The following PSAT1 variants were observed in gnomAD, a reference collection of about 807,000 sequenced individuals.
PSAT1 encodes the protein phosphoserine aminotransferase 1, also known as phosphoserine aminotransferase.
In PSAT1, 41 loss-of-function variants were observed where a neutral mutation model predicts 40.3. That is an observed-to-expected ratio of 1.02 (90% confidence interval 0.79 to 1.32). The LOEUF (loss-of-function observed/expected upper bound fraction) is 1.32. PSAT1 is among the 40% of genes most tolerant of loss of function. The pLI, the probability that PSAT1 is intolerant of heterozygous loss-of-function variation, is 0.00. For missense variants in PSAT1, 406 were observed against 455.8 expected (o/e 0.89, Z 0.99); for synonymous variants, 147 against 170.5 (o/e 0.86, Z 1.07).
chr9:78,309,337 A>G (rs1230416797), intron 6 of PSAT1, among the ~76,000 whole-genome samples: 1 of 152,172 alleles, frequency 6.6e-6, no homozygotes, highest in South Asian at 2.1e-4. Context: ...CTGACAGAAC[A>G]TACTGGCTTA....
intron 1 of PSAT1, among the ~76,000 whole-genome samples, chr9:78,299,275 G>A (rs1191308007): frequency 6.8e-6 from 1 of 147,524 alleles, no homozygotes; most frequent in Non-Finnish European, 1.5e-5. Context: ...AAAACTGTTT[G>A]TAATTATTTT....
In PSAT1 at chr9:78,301,819, C is replaced by T. The variant is rs1373484452; in HGVS notation, c.122-135C>T. ...GTATGGTCCCCTAAACTAAGTGAGC[C>T]TTGGCCCACAATTTGAATGCAGAAT... On this transcript the variant is annotated intron_variant, in intron 2 of 8. Transcript: ENST00000376588. 5.4e-6 allele frequency: 4 copies of T among 737,570 alleles called. No homozygotes were observed. In the African/African-American group the frequency reaches 6.9e-5, roughly 13 times the overall value. The allele number at this position is 737,570 out of a possible 1,614,324, so 45.7% of individuals were successfully genotyped here.
intron 1 of PSAT1, among the ~76,000 whole-genome samples, chr9:78,300,400 A>G (rs893973890): frequency 2.0e-5 from 3 of 152,116 alleles, no homozygotes; most frequent in African/African-American, 7.2e-5. Flanking sequence ...ACATTGCCTA[A>G]TTTCATGCTT....
At chr9:78,298,219 T>A (rs1828056108) in intron 1 of PSAT1, 1 of 945,714 alleles carries the variant, frequency 1.1e-6, no homozygotes, top group Non-Finnish European at 1.3e-6. Flanking sequence ...AGGCAAAGTC[T>A]CCGATGTGCC....
At chr9:78,313,076 T>C (rs972828877) in intron 6 of PSAT1, among the ~76,000 whole-genome samples, 2 of 152,062 alleles carry the variant, frequency 1.3e-5, no homozygotes, top group Non-Finnish European at 2.9e-5. Flanking sequence ...AACAGTGATA[T>C]ACTCTTAGGC....
Position 78,306,060 on chromosome 9 carries a change from C to T in PSAT1, c.398-254C>T, listed in dbSNP as rs554243362. On this transcript the variant is annotated intron_variant, in intron 4 of 8. Coordinates refer to ENST00000376588, the MANE Select transcript of PSAT1 (RefSeq NM_058179.4). Reference sequence around the variant, plus strand: ...CTATGGGCACATACCACCATGCCCACCTTCCCATGCCATTTTTGAAGATGA... The same window carrying T: ...CTATGGGCACATACCACCATGCCCATCTTCCCATGCCATTTTTGAAGATGA... 7.2e-5 allele frequency among the ~76,000 whole-genome samples: 11 copies of T among 152,242 alleles called. 1 individual carries two copies. Among genetic ancestry groups the T allele is most frequent in the African/African-American group, 2.6e-4 (11 of 41,558 alleles).
intron 6 of PSAT1, among the ~76,000 whole-genome samples, chr9:78,317,249 TTTTC>T (rs3837223): frequency 0.18 from 27,425 of 151,750 alleles, 2,324 homozygotes; most frequent in East Asian, 0.33. Flanking sequence ...GTCTTGTGTA[TTTTC>T]TTTCTTTATT....
intron 6 of PSAT1, among the ~76,000 whole-genome samples, chr9:78,314,068 G>T (rs926541396): frequency 1.3e-5 from 2 of 152,218 alleles, no homozygotes; most frequent in African/African-American, 4.8e-5. Context: ...TTTTAGAAAT[G>T]AAGGCATAAG....
chr9:78,308,942 G>A (rs1331638615), intron 6 of PSAT1, among the ~76,000 whole-genome samples: 1 of 152,126 alleles, frequency 6.6e-6, no homozygotes, highest in Non-Finnish European at 1.5e-5. Context: ...GTGACAGAGG[G>A]AGACTCCATC....
At chr9:78,314,040 G>C (rs1273735914) in intron 6 of PSAT1, among the ~76,000 whole-genome samples, 1 of 152,226 alleles carries the variant, frequency 6.6e-6, no homozygotes, top group African/African-American at 2.4e-5. Context: ...ACCCTATCCT[G>C]TGTGTTTGCA....
rs1828115088 is a variant in PSAT1, at chr9:78,302,025, T to G, written c.191+2T>G. The G allele has an allele frequency of 6.2e-7, 1 of 1,606,186 alleles. No homozygotes were observed. Among genetic ancestry groups the G allele is most frequent in the East Asian group, 2.2e-5 (1 of 44,754 alleles). ...AGAGAATCTTGTGCGGGAATTGCTG[T>G]AAGTTTTAAAAAGACCAAATCATGT... On this transcript the variant is annotated splice_donor_variant, in intron 3 of 8. Transcript: ENST00000376588. LOFTEE classifies it high-confidence loss of function.
chr9:78,318,180 C>T (rs1014687704), intron 7 of PSAT1, among the ~76,000 whole-genome samples: 7 of 152,212 alleles, frequency 4.6e-5, no homozygotes, highest in African/African-American at 1.4e-4. Flanking sequence ...CTCCTGTTAG[C>T]GATCTTTGGG....
rs1288679766 is a variant in PSAT1, at chr9:78,316,957, G to A, written c.741-719G>A. Among the ~76,000 whole-genome samples the A allele has an allele frequency of 2.6e-5, 4 of 152,200 alleles. No individual in the cohort carries two copies. The Middle Eastern group carries it at 0.01, about 388-fold the overall frequency. On this transcript the variant is annotated intron_variant, in intron 6 of 8. Coordinates refer to ENST00000376588, the MANE Select transcript of PSAT1 (RefSeq NM_058179.4). ...GAGCAAGTGGAAAAAAACTATGCAGGTAATATGGGCAAGGCGCTCTGGGAG... is the reference window on the plus strand; with the variant it reads ...GAGCAAGTGGAAAAAAACTATGCAGATAATATGGGCAAGGCGCTCTGGGAG...
intron 2 of PSAT1, 64 bp from the exon 3 acceptor site, chr9:78,301,879 AATTTCGTAGGT>A (rs1169135960): frequency 1.0e-5 from 12 of 1,192,036 alleles, no homozygotes; most frequent in Non-Finnish European, 1.5e-5. Context: ...TTTACTTGCA[AATTTCGTAGGT>A]ATTTCTGTTC....
intron 7 of PSAT1, among the ~76,000 whole-genome samples, chr9:78,323,030 G>A (rs555996168): frequency 2.0e-4 from 30 of 152,262 alleles, no homozygotes; most frequent in Non-Finnish European, 3.8e-4. Context: ...ACTCTGCCTG[G>A]GTACAGTGGT....
chr9:78,299,514 C>T (rs372222967), intron 1 of PSAT1, among the ~76,000 whole-genome samples: 38 of 118,508 alleles, frequency 3.2e-4, no homozygotes, highest in Middle Eastern at 9.4e-3. Context: ...TAATCTAATT[C>T]TTTTTTTTTT....
intron 7 of PSAT1, among the ~76,000 whole-genome samples, chr9:78,326,301 G>GT (rs1828496592): frequency 6.6e-6 from 1 of 152,118 alleles, no homozygotes; most frequent in South Asian, 2.1e-4. Flanking sequence ...GAAAGAGAGG[G>GT]TTATTACACA....
intron 2 of PSAT1, 66 bp from the exon 3 acceptor site, chr9:78,301,888 G>C: frequency 1.6e-6 from 2 of 1,257,326 alleles, no homozygotes; most frequent in Non-Finnish European, 2.3e-6. Flanking sequence ...AAATTTCGTA[G>C]GTATTTCTGT....
At chr9:78,321,311 A>G (rs1828426505) in intron 7 of PSAT1, among the ~76,000 whole-genome samples, 1 of 152,128 alleles carries the variant, frequency 6.6e-6, no homozygotes, top group African/African-American at 2.4e-5. Flanking sequence ...ACTGGAGTAG[A>G]GAGGAGGCTG....
Sources: allele counts gnomAD v4.1 joint callset (sites outside exome capture counted in the v4.1 genomes callset), GRCh38; gene constraint gnomAD v4.1.1; transcripts MANE v1.5; gene names NCBI Gene and HGNC (gene_info 2026-07-23, HGNC 2026-07-21).